Variants in CCNI observed in about 807,000 individuals in gnomAD.
CCNI encodes the protein cyclin-I.
Under a neutral mutation model 34.1 loss-of-function variants are expected in CCNI, and 14 were observed. That is an observed-to-expected ratio of 0.41 (90% CI 0.27 to 0.64). The LOEUF is 0.64. Ranked by LOEUF, CCNI falls within the 30% of genes least tolerant of loss-of-function variation. The pLI is 0.31. For missense variants in CCNI, 385 were observed against 440.5 expected (o/e 0.87, Z 1.13); for synonymous variants, 154 against 158.4 (o/e 0.97, Z 0.21).
chr4:77,066,288 CTGTGCTTCCCT>C lies in CCNI; in HGVS notation c.64_74del (p.Arg22AspfsTer22). The C allele has an allele frequency of 2.5e-6, 4 of 1,614,146 alleles. No individual in the cohort carries two copies. Among genetic ancestry groups the C allele is most frequent in the Non-Finnish European group, 3.4e-6 (4 of 1,179,986 alleles). ...TTTTCCGCACATTCACTTTCCACAT[CTGTGCTTCCCT>C]AGTGATTGCCTTTTCCAACAGGAAA... On this transcript the variant is annotated frameshift_variant, in exon 2 of 7. Transcript: ENST00000237654. LOFTEE classifies it high-confidence loss of function.
At position 77,075,488 on chromosome 4, in the gene CCNI, T is replaced by C; in HGVS notation, c.-60A>G. 1.1e-6 allele frequency: 1 copy of C among 887,444 alleles called. No individual in the cohort carries two copies. Among genetic ancestry groups the C allele is most frequent in the South Asian group, 5.2e-5 (1 of 19,376 alleles). 55.0% of individuals were successfully genotyped at this position (887,444 alleles called of 1,614,324 possible). On this transcript the variant is annotated 5_prime_UTR_variant, in exon 1 of 7. Transcript: ENST00000237654. ...GCCCCTCACCTTCTCCTCCTCTTCC[T>C]CCTCCTCCTCCTCCCCGGCAGAGCT...
chr4:77,052,142 C>T (rs1727895806), intron 6 of CCNI, among the ~76,000 whole-genome samples: 1 of 151,688 alleles, frequency 6.6e-6, no homozygotes, highest in African/African-American at 2.4e-5. Flanking sequence ...TAGTAGTCCC[C>T]AGTTTCTACT....
At chr4:77,058,771 C>CA in intron 2 of CCNI, 136 bp from the exon 3 acceptor site, 1 of 681,932 alleles carries the variant, frequency 1.5e-6, no homozygotes, top group Non-Finnish European at 2.4e-6. Flanking sequence ...CAAAATCTAT[C>CA]AGACTTGAGA....
intron 6 of CCNI, among the ~76,000 whole-genome samples, chr4:77,049,000 C>T (rs1727657124): frequency 7.7e-6 from 1 of 130,660 alleles, no homozygotes; most frequent in African/African-American, 2.9e-5. Context: ...AGTCTATTCC[C>T]CCTGTCTGGA....
intron 3 of CCNI, among the ~76,000 whole-genome samples, chr4:77,057,969 T>A (rs1442939139): frequency 6.6e-6 from 1 of 152,170 alleles, no homozygotes; most frequent in African/African-American, 2.4e-5. Context: ...AGATAAAAAA[T>A]TTCATAGGCT....
At chr4:77,049,166 G>A (rs931243042) in intron 6 of CCNI, among the ~76,000 whole-genome samples, 19 of 152,018 alleles carry the variant, frequency 1.2e-4, no homozygotes, top group Middle Eastern at 3.4e-3. Context: ...TTTTAAAATA[G>A]TAAATGAAAA....
At chr4:77,061,320 CTAAAA>C (rs1446545728) in intron 2 of CCNI, among the ~76,000 whole-genome samples, 3 of 152,070 alleles carry the variant, frequency 2.0e-5, no homozygotes, top group African/African-American at 7.2e-5. Flanking sequence ...TCCTATTCCT[CTAAAA>C]TAAAGAATGA....
chr4:77,052,473 G>T (rs548853220), intron 6 of CCNI, among the ~76,000 whole-genome samples: 2 of 152,120 alleles, frequency 1.3e-5, no homozygotes, highest in Non-Finnish European at 2.9e-5. Flanking sequence ...AACAGGTGGC[G>T]CAAGAGCTTA....
chr4:77,065,428 T>C (rs1297191698), intron 2 of CCNI, among the ~76,000 whole-genome samples: 1 of 152,222 alleles, frequency 6.6e-6, no homozygotes, highest in East Asian at 1.9e-4. Flanking sequence ...AAAATAATTA[T>C]ATATGACAGA....
At chr4:77,067,353 T>C (rs1233768844) in intron 1 of CCNI, among the ~76,000 whole-genome samples, 4 of 152,278 alleles carry the variant, frequency 2.6e-5, no homozygotes, top group African/African-American at 9.6e-5. Context: ...TTCCTATTAA[T>C]ACAGTAAGTT....
At chr4:77,069,132 C>T (rs1729268666) in intron 1 of CCNI, among the ~76,000 whole-genome samples, 1 of 152,152 alleles carries the variant, frequency 6.6e-6, no homozygotes, top group Non-Finnish European at 1.5e-5. Context: ...GTTATAAATT[C>T]CTGGCCAGGC....
chr4:77,072,638 TAAAAAAA>T (rs61247567), intron 1 of CCNI, among the ~76,000 whole-genome samples: 76 of 101,394 alleles, frequency 7.5e-4, no homozygotes, highest in East Asian at 2.9e-3. Flanking sequence ...CCCAATCTCT[TAAAAAAA>T]AAAAAAAAAA....
Position 77,055,221 on chromosome 4 carries a change from C to A in CCNI, c.619G>T (p.Val207Phe). 1 of 1,614,150 alleles carries A rather than the reference C, an allele frequency of 6.2e-7. No individual in the cohort carries two copies. The highest frequency in any genetic ancestry group is 8.5e-7 in the Non-Finnish European group (1 of 1,180,004). Residue 207 changes from valine to phenylalanine, a missense_variant, in exon 6 of 7, where the codon GTT becomes TTT. Physicochemically the swap from Val to Phe is conservative, Grantham distance 50. This residue lies in a region of CCNI where 250 missense variants were observed against 248.7 expected (regional missense o/e 1.01). Coordinates refer to ENST00000237654, the MANE Select transcript of CCNI (RefSeq NM_006835.3). The part of the protein sequence containing the change: ...FRGSMLALAM[V>F]SLEMEKLIPD... ...ATGAGTTTCTCCATTTCCAGACTAA[C>A]CATGGCCAGAGCAAGCATGGATCCT... is the stretch of plus-strand genomic sequence containing the variant.
Position 77,056,030 on chromosome 4 carries a change from C to G in CCNI, c.391G>C (p.Glu131Gln). ...GCSSSEILRM[E>Q]RIILDKLNWD... ...TTCAACTTATCCAGAATAATTCTCT[C>G]CATTCTCAAAATTTCAGATGAGGAA... Residue 131 changes from glutamate to glutamine, a missense_variant, in exon 5 of 7, where the codon GAG (glutamate) becomes CAG (glutamine). Transcript: ENST00000237654. 6.2e-7 allele frequency: 1 copy of G among 1,613,326 alleles called. No individual in the cohort carries two copies. The highest frequency in any genetic ancestry group is 8.5e-7 in the Non-Finnish European group (1 of 1,179,352).
intron 2 of CCNI, chr4:77,064,719 G>A (rs142239473): frequency 1.4e-5 from 2 of 145,612 alleles, no homozygotes; most frequent in South Asian, 2.2e-4. Context: ...TTACCCTGTC[G>A]TTCAGGCTGG....
At chr4:77,059,462 A>G (rs1728457149) in intron 2 of CCNI, among the ~76,000 whole-genome samples, 1 of 151,728 alleles carries the variant, frequency 6.6e-6, no homozygotes. Flanking sequence ...AATAATATGT[A>G]GGAAGATTAA....
rs774762158 is a variant in CCNI at position 77,058,546 on chromosome 4, C to T, written c.204G>A (p.Leu68=). Residue 68 remains leucine, a synonymous_variant, in exon 3 of 7, where the codon CTG becomes CTA. Transcript: ENST00000237654. ...QFNLYPETFA[L]ASSLLDRFLA... ...AAAACCTATCCAAAAGACTGCTAGCCAGAGCAAATGTTTCTGGGTAAAGGT... is the reference window on the plus strand; with the variant it reads ...AAAACCTATCCAAAAGACTGCTAGCTAGAGCAAATGTTTCTGGGTAAAGGT... The T allele has an allele frequency of 1.2e-6, 2 of 1,613,424 alleles. No individual in the cohort carries two copies. The highest frequency in any genetic ancestry group is 2.7e-5 in the African/African-American group (2 of 74,846).
chr4:77,052,049 G>T (rs1362077380), intron 6 of CCNI, among the ~76,000 whole-genome samples: 5 of 151,760 alleles, frequency 3.3e-5, no homozygotes, highest in African/African-American at 1.2e-4. Flanking sequence ...GAGGTTTGGA[G>T]TACAAGTGAT....
chr4:77,066,193 G>T, intron 2 of CCNI, 56 bp downstream of exon 2: 2 of 1,327,300 alleles, frequency 1.5e-6, no homozygotes, highest in Non-Finnish European at 2.2e-6. Flanking sequence ...ATTATGTATG[G>T]CAGTAGTATG....
Sources: allele counts gnomAD v4.1 joint callset (sites outside exome capture counted in the v4.1 genomes callset), GRCh38; gene constraint gnomAD v4.1.1; regional missense constraint gnomAD v4.1.1; transcripts MANE v1.5; gene names NCBI Gene and HGNC (gene_info 2026-07-23, HGNC 2026-07-21).